PIEZO2: variants seen among roughly 807,000 people sequenced by gnomAD.
The protein encoded by PIEZO2 is piezo-type mechanosensitive ion channel component 2.
Under a neutral mutation model 337.3 loss-of-function variants are expected in PIEZO2, and 172 were observed. The ratio of observed to expected loss-of-function variants is 0.51; its 90% CI spans 0.45 to 0.58. The LOEUF (loss-of-function observed/expected upper bound fraction) is 0.58. Among genes scored for constraint, PIEZO2 ranks in the 20% least tolerant of loss-of-function variants. The pLI, the probability that PIEZO2 is intolerant of heterozygous loss-of-function variation, is 0.00. For synonymous variants in PIEZO2, 1,251 were observed against 1,228.5 expected, an observed-to-expected ratio of 1.02 and a Z score of -0.38; for missense variants, 3,028 against 3,391.3, an observed-to-expected ratio of 0.89 and a Z score of 2.66.
At chr18:10,898,320 C>T (rs1224729056) in intron 4 of PIEZO2, among the ~76,000 whole-genome samples, 2 of 151,984 alleles carry the variant, frequency 1.3e-5, no homozygotes, top group Non-Finnish European at 2.9e-5. Context: ...ACTCGGGAGG[C>T]TGAGGGGGGA....
At position 10,795,020 on chromosome 18, in the gene PIEZO2, G is replaced by T. The variant is rs1049595072; in HGVS notation, c.1528-18C>A. 6.5e-6 allele frequency: 10 copies of T among 1,539,896 alleles called. No homozygotes were observed. Among genetic ancestry groups the T allele is most frequent in the Non-Finnish European group, 4.4e-6 (5 of 1,142,008 alleles). On this transcript the variant is annotated intron_variant, in intron 12 of 55. Coordinates refer to ENST00000674853, the MANE Select transcript of PIEZO2 (RefSeq NM_001378183.1). This position sits in a 1 kb window ranked among gnomAD's most constrained non-coding sequence, Gnocchi z 4.4. ...CTCCAGGCCTCCGGAGGACAGAAAA[G>T]GAAACACGACCATGGTCAATACAAT...
At chr18:11,005,669 C>G (rs888562851) in intron 2 of PIEZO2, among the ~76,000 whole-genome samples, 12 of 152,212 alleles carry the variant, frequency 7.9e-5, no homozygotes, top group Non-Finnish European at 1.8e-4. Context: ...GCTTAGCTGG[C>G]CGGGAGGAGG....
At chr18:10,709,367 TGGCTCAACCCCAAAGA>T (rs1258295465) in intron 39 of PIEZO2, 1 of 152,280 alleles carries the variant, frequency 6.6e-6, no homozygotes, top group Non-Finnish European at 1.5e-5. Context: ...TTCCCACACA[TGGCTCAACCCCAAAGA>T]GGGACAGACA....
chr18:11,077,181 C>G lies in PIEZO2; in HGVS notation c.65-10959G>C, dbSNP rs2038576913. ...TAAGCCTACCAAAATAAAACTTGCT[C>G]TCTTACCATTATGATGAATAAGAAT... On this transcript the variant is annotated intron_variant, in intron 1 of 55. Transcript: ENST00000674853. The surrounding 1 kb of genome is among the most constrained non-coding windows in gnomAD (Gnocchi z 4.8). 6.6e-6 allele frequency among the ~76,000 whole-genome samples: 1 copy of G among 152,244 alleles called. No individual in the cohort carries two copies. Among genetic ancestry groups the G allele is most frequent in the Admixed American group, 6.5e-5 (1 of 15,280 alleles).
At chr18:11,145,174 T>C (rs2040776362) in intron 1 of PIEZO2, among the ~76,000 whole-genome samples, 1 of 152,182 alleles carries the variant, frequency 6.6e-6, no homozygotes, top group East Asian at 1.9e-4. Context: ...ATTTGGGAGA[T>C]ATTTAAAGTT....
At chr18:10,796,400 A>G (rs1376085169) in intron 12 of PIEZO2, among the ~76,000 whole-genome samples, 1 of 151,958 alleles carries the variant, frequency 6.6e-6, no homozygotes, top group Non-Finnish European at 1.5e-5. Context: ...TGCAGCTAAG[A>G]AGGAATTACG....
At chr18:10,803,387 A>G (rs773848064) in intron 9 of PIEZO2, among the ~76,000 whole-genome samples, 5 of 152,192 alleles carry the variant, frequency 3.3e-5, no homozygotes, top group Non-Finnish European at 7.3e-5. Context: ...TTTTTACTCA[A>G]ATGCTTAAAT....
At chr18:11,039,467 C>T (rs10451332) in intron 2 of PIEZO2, among the ~76,000 whole-genome samples, 106,853 of 152,060 alleles carry the variant, frequency 0.7, 37,767 homozygotes, top group Middle Eastern at 0.78. Flanking sequence ...TCTGGTTTTA[C>T]GTCACAGAAC....
chr18:10,761,240 G>C (rs2038118003), intron 23 of PIEZO2, 129 bp from the exon 24 acceptor site: 1 of 785,116 alleles, frequency 1.3e-6, no homozygotes, highest in African/African-American at 1.7e-5. Flanking sequence ...AAGCAGTTTT[G>C]AGCTCAATAT....
rs2036583630 is a variant in PIEZO2, at chr18:10,727,365, T to A, written c.5029+4042A>T. ...CTTCAGCATTCGTGCTGTCTGCTTC[T>A]CACTGGGTCCTGGTGGGGGTCGGGA... is the stretch of plus-strand genomic sequence containing the variant. On this transcript the variant is annotated intron_variant, in intron 36 of 55. Coordinates refer to ENST00000674853, the MANE Select transcript of PIEZO2 (RefSeq NM_001378183.1). The surrounding 1 kb of genome is among the most constrained non-coding windows in gnomAD (Gnocchi z 6.3). The A allele has an allele frequency of 6.5e-6, 1 of 155,014 alleles. No individual in the cohort carries two copies. The highest frequency in any genetic ancestry group is 6.5e-5 in the Admixed American group (1 of 15,324). 9.6% of individuals were successfully genotyped at this position (155,014 alleles called of 1,614,324 possible).
At position 11,045,295 on chromosome 18, in the gene PIEZO2, C is replaced by CAAAAAAA. The variant is rs58924653; in HGVS notation, c.160+20825_160+20831dup. On this transcript the variant is annotated intron_variant, in intron 2 of 55. Coordinates refer to ENST00000674853, the MANE Select transcript of PIEZO2 (RefSeq NM_001378183.1). ...TGGGCGACAGAGTGAGACTCCGTCT[C>CAAAAAAA]AAAAAAAAAAAAAAAAAAAAAAAAA... is the stretch of plus-strand genomic sequence containing the variant. Among the ~76,000 whole-genome samples, 34 of 52,330 alleles carry CAAAAAAA rather than the reference C, an allele frequency of 6.5e-4. 3 individuals are homozygous for CAAAAAAA. Among genetic ancestry groups the CAAAAAAA allele is most frequent in the African/African-American group, 9.2e-4 (14 of 15,210 alleles). The allele number at this position is 52,330 out of a possible 152,430, so 34.3% of individuals were successfully genotyped here. A position where few individuals can be genotyped will look rare whatever the true frequency, so the allele number is the denominator to read the frequency against.
chr18:10,912,964 G>GT (rs1455575265), intron 3 of PIEZO2, among the ~76,000 whole-genome samples: 1 of 151,264 alleles, frequency 6.6e-6, no homozygotes, highest in African/African-American at 2.4e-5. Flanking sequence ...CTGAGTAGGA[G>GT]TAAAAAAAAA....
In PIEZO2 at chr18:11,038,439, A is replaced by G. The variant is rs1165582491; in HGVS notation, c.160+27688T>C. 6.6e-6 allele frequency among the ~76,000 whole-genome samples: 1 copy of G among 152,176 alleles called. No homozygotes were observed. Among genetic ancestry groups the G allele is most frequent in the Non-Finnish European group, 1.5e-5 (1 of 68,028 alleles). The stretch of plus-strand genomic sequence containing the variant: ...AAGTGTAAGCCGGAGGCCCTTATTT[A>G]AGAATCTCCACCCATTCCAAAAGTT... On this transcript the variant is annotated intron_variant, in intron 2 of 55. Coordinates refer to ENST00000674853, the MANE Select transcript of PIEZO2 (RefSeq NM_001378183.1). This position sits in a 1 kb window ranked among gnomAD's most constrained non-coding sequence, Gnocchi z 4.1.
chr18:10,705,514 G>C lies in PIEZO2; in HGVS notation c.5821C>G (p.Pro1941Ala), dbSNP rs2035543025. 3 of 1,537,134 alleles carry C rather than the reference G, an allele frequency of 2.0e-6. No individual in the cohort carries two copies. The highest frequency in any genetic ancestry group is 1.7e-6 in the Non-Finnish European group (2 of 1,146,908). Residue 1941 changes from proline to alanine, a missense_variant, in exon 41 of 56, where the codon CCA becomes GCA. This residue lies in a region of PIEZO2 where 1,925 missense variants were observed against 2,051.9 expected (regional missense o/e 0.94). Coordinates refer to ENST00000674853, the MANE Select transcript of PIEZO2 (RefSeq NM_001378183.1). The stretch of plus-strand genomic sequence containing the variant: ...CTCACAGCCTTGCTGTAGGAGGGTG[G>C]GGCCTCCACATCCCCGTCCAAGGTG... ...FSTLDGDVEA[P>A]PSYSKAVSFE...
chr18:10,929,252 G>C lies in PIEZO2; in HGVS notation c.287-18024C>G, dbSNP rs779616066. The stretch of plus-strand genomic sequence containing the variant: ...TTCTGAAATGGAGAACTCAAGAAAA[G>C]AAATTAAAAGTGTGAGCGAGCTGCA... On this transcript the variant is annotated intron_variant, in intron 3 of 55. Transcript: ENST00000674853. This position sits in a 1 kb window ranked among gnomAD's most constrained non-coding sequence, Gnocchi z 5.6. Among the ~76,000 whole-genome samples, 1 of 152,180 alleles carries C rather than the reference G, an allele frequency of 6.6e-6. No individual in the cohort carries two copies. Among genetic ancestry groups the C allele is most frequent in the African/African-American group, 2.4e-5 (1 of 41,454 alleles).
intron 49 of PIEZO2, among the ~76,000 whole-genome samples, chr18:10,684,231 T>C (rs1335662158): frequency 1.6e-5 from 2 of 127,070 alleles, no homozygotes; most frequent in African/African-American, 2.9e-5. Flanking sequence ...AGTGGCGCGA[T>C]CTTGGCTCAC....
At chr18:10,930,427 G>T (rs189214068) in intron 3 of PIEZO2, among the ~76,000 whole-genome samples, 228 of 152,266 alleles carry the variant, frequency 1.5e-3, no homozygotes, top group African/African-American at 5.0e-3. Flanking sequence ...ATCCACCTAT[G>T]ACTTAGACGT....
rs1262897804 is a variant in PIEZO2, at chr18:10,784,001, A to C, written c.2492+783T>G. Among the ~76,000 whole-genome samples, 1 of 152,160 alleles carries C rather than the reference A, an allele frequency of 6.6e-6. No homozygotes were observed. The highest frequency in any genetic ancestry group is 2.4e-5 in the African/African-American group (1 of 41,430). The stretch of plus-strand genomic sequence containing the variant: ...CCGTGGCCTCTGTGCTCCTCTCAAT[A>C]CAGCCCTTTGCTCCCTTAGCTGCTT... On this transcript the variant is annotated intron_variant, in intron 17 of 55. Coordinates refer to ENST00000674853, the MANE Select transcript of PIEZO2 (RefSeq NM_001378183.1). The surrounding 1 kb of genome is among the most constrained non-coding windows in gnomAD (Gnocchi z 4.5).
rs1471567060 is a variant in PIEZO2 at position 11,146,175 on chromosome 18, C to A, written c.64+2350G>T. 2.6e-5 allele frequency among the ~76,000 whole-genome samples: 4 copies of A among 152,170 alleles called. No individual in the cohort carries two copies. In the East Asian group the frequency reaches 7.7e-4, roughly 29 times the overall value. On this transcript the variant is annotated intron_variant, in intron 1 of 55. Transcript: ENST00000674853. This position sits in a 1 kb window ranked among gnomAD's most constrained non-coding sequence, Gnocchi z 6.1. Reference sequence around the variant, plus strand: ...TGAAGAATGAGCTGGATAAAGAAGGCAGCCCCAGGATCTCCTGGGCAGACT... The same window carrying A: ...TGAAGAATGAGCTGGATAAAGAAGGAAGCCCCAGGATCTCCTGGGCAGACT...
Sources: allele counts gnomAD v4.1 joint callset (sites outside exome capture counted in the v4.1 genomes callset), GRCh38; gene constraint gnomAD v4.1.1; regional missense constraint gnomAD v4.1.1; non-coding constraint Gnocchi (gnomAD v3.1); transcripts MANE v1.5; gene names NCBI Gene and HGNC (gene_info 2026-07-23, HGNC 2026-07-21).